Variants in TSGA10 observed in about 807,000 individuals in gnomAD.
The protein encoded by TSGA10 is testis specific 10, also known as testis-specific gene 10 protein.
In TSGA10, 43 loss-of-function variants were observed where a neutral mutation model predicts 96.6. That is an observed-to-expected ratio of 0.44 (90% CI 0.35 to 0.57). The LOEUF (loss-of-function observed/expected upper bound fraction) is 0.57, where lower values mean the gene tolerates loss of function less well. Among genes scored for constraint, TSGA10 ranks in the 20% least tolerant of loss-of-function variants. The pLI, the probability that TSGA10 is intolerant of heterozygous loss-of-function variation, is 0.01. For missense variants in TSGA10, 703 were observed against 834.4 expected (o/e 0.84, Z 1.94); for synonymous variants, 229 against 269.9 (o/e 0.85, Z 1.48).
intron 2 of TSGA10, among the ~76,000 whole-genome samples, chr2:99,119,304 TCTC>T (rs1225796594): frequency 6.6e-6 from 1 of 152,024 alleles, no homozygotes; most frequent in Non-Finnish European, 1.5e-5. Context: ...CCTACTCTCT[TCTC>T]TTTTGGCCTT....
intron 7 of TSGA10, among the ~76,000 whole-genome samples, chr2:99,108,178 T>C (rs2104834327): frequency 6.6e-6 from 1 of 152,278 alleles, no homozygotes; most frequent in South Asian, 2.1e-4. Context: ...ATAAATACAA[T>C]ATACTTTATC....
intron 1 of TSGA10, among the ~76,000 whole-genome samples, chr2:99,140,203 T>C (rs2093479692): frequency 6.6e-6 from 1 of 152,154 alleles, no homozygotes; most frequent in Non-Finnish European, 1.5e-5. Context: ...GACTGAAGAG[T>C]TTGGCTCATT....
Position 99,108,971 on chromosome 2 carries a change from T to A in TSGA10, c.72A>T (p.Glu24Asp), listed in dbSNP as rs150104535. 1 of 1,590,914 alleles carries A rather than the reference T, an allele frequency of 6.3e-7. No homozygotes were observed. Among genetic ancestry groups the A allele is most frequent in the Non-Finnish European group, 8.5e-7 (1 of 1,173,298 alleles). The change falls in exon 7 of 21, where the codon GAA becomes GAT. Residue 24 changes from glutamate to aspartate, a missense_variant. Glu to Asp is a conservative substitution (Grantham distance 45). Transcript: ENST00000393483. ...GATCTCTTGTTGTTGTCTTCAAAAG[T>A]TCTACATCACAGTTTGCACCCTATA... is the stretch of plus-strand genomic sequence containing the variant. ...PTARGANCDV[E>D]LLKTTTRDRE...
At chr2:99,130,126 T>A (rs1236937349) in intron 1 of TSGA10, among the ~76,000 whole-genome samples, 1 of 152,204 alleles carries the variant, frequency 6.6e-6, no homozygotes, top group Non-Finnish European at 1.5e-5. Flanking sequence ...GAGTGACTTA[T>A]AATCCTTTGG....
intron 15 of TSGA10, among the ~76,000 whole-genome samples, chr2:99,066,442 C>T (rs1432750192): frequency 6.6e-6 from 1 of 152,164 alleles, no homozygotes; most frequent in Non-Finnish European, 1.5e-5. Flanking sequence ...TTGTGCAGTA[C>T]TTACTGTCTA....
Position 99,088,078 on chromosome 2 carries a change from GAAAGAA to G in TSGA10, c.612-6687_612-6682del, listed in dbSNP as rs2088783503. Among the ~76,000 whole-genome samples, 6 of 152,310 alleles carry G rather than the reference GAAAGAA, an allele frequency of 3.9e-5. No individual in the cohort carries two copies. The South Asian group carries it at 1.2e-3, about 32-fold the overall frequency. ...CTTTCTCACATGGGGTTCTGTGGGA[GAAAGAA>G]CTAGATAAAATTAATTCAGTGACTA... On this transcript the variant is annotated intron_variant, in intron 10 of 20. Coordinates refer to ENST00000393483, the MANE Select transcript of TSGA10 (RefSeq NM_025244.4).
chr2:99,137,351 T>C, intron 1 of TSGA10, among the ~76,000 whole-genome samples: 1 of 152,178 alleles, frequency 6.6e-6, no homozygotes, highest in East Asian at 1.9e-4. Flanking sequence ...CCTAAAAATT[T>C]TGTGAGGACA....
rs1574501563 is a variant in TSGA10 at position 99,117,762 on chromosome 2, G to A, written c.-355-3C>T. 4 of 983,066 alleles carry A rather than the reference G, an allele frequency of 4.1e-6. No homozygotes were observed. In the East Asian group the frequency reaches 4.6e-4, roughly 112 times the overall value. The allele number at this position is 983,066 out of a possible 1,614,324, so 60.9% of individuals were successfully genotyped here. ...TTTGTCTGTTTGAGATCTTCAATCTGTTATTATCAGAAAAAAAATCACATT... is the reference window on the plus strand; with the variant it reads ...TTTGTCTGTTTGAGATCTTCAATCTATTATTATCAGAAAAAAAATCACATT... On this transcript the variant is annotated splice_region_variant and splice_polypyrimidine_tract_variant and intron_variant, in intron 3 of 20. Transcript: ENST00000393483.
intron 17 of TSGA10, among the ~76,000 whole-genome samples, chr2:99,024,118 G>C (rs7558239): frequency 0.35 from 52,901 of 151,142 alleles, 10,550 homozygotes; most frequent in African/African-American, 0.55. Flanking sequence ...TTTAGACAGA[G>C]TCTTGCTCTG....
At chr2:99,021,314 T>A (rs1345022146) in intron 17 of TSGA10, among the ~76,000 whole-genome samples, 2 of 152,014 alleles carry the variant, frequency 1.3e-5, no homozygotes, top group African/African-American at 4.8e-5. Flanking sequence ...AAAATAAACA[T>A]TTTGATAGTC....
chr2:99,082,728 A>G (rs1036907504), intron 10 of TSGA10, among the ~76,000 whole-genome samples: 14 of 152,240 alleles, frequency 9.2e-5, no homozygotes, highest in South Asian at 2.1e-4. Context: ...ATCCAACCTT[A>G]GTGGGAGTCA....
chr2:99,085,741 G>T (rs1413664066), intron 10 of TSGA10, among the ~76,000 whole-genome samples: 1 of 137,424 alleles, frequency 7.3e-6, no homozygotes, highest in East Asian at 2.0e-4. Context: ...ACAGTTATAA[G>T]AAATGTAGTA....
At chr2:99,091,612 C>T (rs1312139517) in intron 10 of TSGA10, among the ~76,000 whole-genome samples, 1 of 152,120 alleles carries the variant, frequency 6.6e-6, no homozygotes. Flanking sequence ...TGGAAAAAGA[C>T]ATTCCATGCT....
intron 16 of TSGA10, among the ~76,000 whole-genome samples, chr2:99,061,774 C>T (rs1435269122): frequency 6.6e-6 from 1 of 152,168 alleles, no homozygotes; most frequent in Non-Finnish European, 1.5e-5. Flanking sequence ...CAAATTCATA[C>T]GTTGAACCCT....
chr2:99,117,961 T>C (rs184447431), intron 3 of TSGA10, among the ~76,000 whole-genome samples: 35 of 152,284 alleles, frequency 2.3e-4, no homozygotes, highest in Non-Finnish European at 4.0e-4. Context: ...ATTTTAAATT[T>C]TATAGCAATA....
intron 1 of TSGA10, among the ~76,000 whole-genome samples, chr2:99,144,576 G>A (rs76874456): frequency 2.0e-5 from 3 of 149,188 alleles, no homozygotes; most frequent in African/African-American, 4.9e-5. Context: ...TTGAACCCGG[G>A]AGGCAGAGGT....
chr2:99,105,661 T>A lies in TSGA10; in HGVS notation c.247A>T (p.Met83Leu). Residue 83 changes from methionine (M) to leucine (L), a missense_variant, in exon 8 of 21, where the codon ATG (methionine) becomes TTG (leucine). Physicochemically the swap from Met to Leu is conservative, Grantham distance 15. This residue lies in a region of TSGA10 where 585 missense variants were observed against 656.8 expected (regional missense o/e 0.89). Transcript: ENST00000393483. ...GATTTAGGACTCTTACAGCTTTTCATCATTTCTCGTCGAAGTCGGGTAATT... is the reference window on the plus strand; with the variant it reads ...GATTTAGGACTCTTACAGCTTTTCAACATTTCTCGTCGAAGTCGGGTAATT... ...EEITRLRREMMKSCKSPKSTT... is the reference protein window; with the variant it reads ...EEITRLRREMLKSCKSPKSTT... The A allele has an allele frequency of 6.3e-7, 1 of 1,592,700 alleles. No individual in the cohort carries two copies. Among genetic ancestry groups the A allele is most frequent in the Non-Finnish European group, 8.6e-7 (1 of 1,162,298 alleles).
At chr2:99,138,655 C>T (rs1033557033) in intron 1 of TSGA10, among the ~76,000 whole-genome samples, 13 of 152,186 alleles carry the variant, frequency 8.5e-5, no homozygotes, top group Non-Finnish European at 1.6e-4. Context: ...TGGAAGACAA[C>T]CAAGGTTGTG....
At chr2:99,030,324 G>T (rs978692223) in intron 17 of TSGA10, among the ~76,000 whole-genome samples, 1 of 151,956 alleles carries the variant, frequency 6.6e-6, no homozygotes, top group Non-Finnish European at 1.5e-5. Flanking sequence ...TCCAGCCTGG[G>T]GGACAGAGCA....
Sources: gnomAD v4.1 joint callset for allele counts (sites outside exome capture counted in the v4.1 genomes callset) on GRCh38, gnomAD v4.1.1 for gene constraint, gnomAD v4.1.1 regional missense constraint, MANE v1.5 for transcripts, NCBI Gene and HGNC (gene_info 2026-07-23, HGNC 2026-07-21) for gene names.